The following MPPE1 variants were observed in gnomAD, a reference collection of about 807,000 sequenced individuals.
MPPE1 encodes the protein metallo phosphoesterase.
In MPPE1, 28 loss-of-function variants were observed where a neutral mutation model predicts 43.8. That is an observed-to-expected ratio of 0.64 (90% CI 0.47 to 0.88). The LOEUF (loss-of-function observed/expected upper bound fraction) is 0.88. Ranked by LOEUF, MPPE1 falls within the 40% of genes least tolerant of loss-of-function variation. The pLI is 0.00. For synonymous variants in MPPE1, 159 were observed against 188.5 expected (o/e 0.84, Z 1.28); for missense variants, 428 against 492.2 (o/e 0.87, Z 1.23).
At chr18:11,892,096 T>A (rs1486969893) in intron 4 of MPPE1, among the ~76,000 whole-genome samples, 14 of 152,106 alleles carry the variant, frequency 9.2e-5, no homozygotes. Context: ...TCCCAGCACT[T>A]TGGGAGGCCA....
At chr18:11,906,947 T>C (rs1259673165) in intron 1 of MPPE1, among the ~76,000 whole-genome samples, 8 of 152,090 alleles carry the variant, frequency 5.3e-5, no homozygotes, top group Non-Finnish European at 1.2e-4. Context: ...CCACCGCCCA[T>C]TGTAAATCAA....
intron 3 of MPPE1, among the ~76,000 whole-genome samples, chr18:11,896,554 A>T (rs565703460): frequency 1.3e-5 from 2 of 152,222 alleles, no homozygotes; most frequent in Non-Finnish European, 2.9e-5. Flanking sequence ...GCTGAAACCC[A>T]ATAGGCTCAA....
chr18:11,896,095 CTTTT>C (rs1178920790), intron 3 of MPPE1, among the ~76,000 whole-genome samples: 3,228 of 80,490 alleles, frequency 0.04, 63 homozygotes, highest in Middle Eastern at 0.17. Flanking sequence ...ATTCTTTATT[CTTTT>C]TTTTTTTTTT....
At position 11,886,531 on chromosome 18, in the gene MPPE1, A is replaced by G. The variant is rs1249049646; in HGVS notation, c.835T>C (p.Tyr279His). The G allele has an allele frequency of 6.2e-7, 1 of 1,614,228 alleles. No homozygotes were observed. Among genetic ancestry groups the G allele is most frequent in the South Asian group, 1.1e-5 (1 of 91,088 alleles). ...GATGCCTCCCGTGAAAGCACGTCATAGTTCTCCTTAAATGGGATGTCCCTT... is the reference window on the plus strand; with the variant it reads ...GATGCCTCCCGTGAAAGCACGTCATGGTTCTCCTTAAATGGGATGTCCCTT... ...EERDIPFKEN[Y>H]DVLSREASQK... Residue 279 changes from tyrosine to histidine, a missense_variant, in exon 9 of 11, where the codon TAT (tyrosine) becomes CAT (histidine). Physicochemically the swap from Tyr to His is moderately conservative, Grantham distance 83. Transcript: ENST00000588072. The surrounding 1 kb of genome is among the most constrained non-coding windows in gnomAD (Gnocchi z 4.1).
At chr18:11,888,871 C>T (rs990003548) in intron 5 of MPPE1, 128 bp from the exon 6 acceptor site, 2 of 545,166 alleles carry the variant, frequency 3.7e-6, no homozygotes, top group Admixed American at 3.9e-5. Context: ...AAGGGCTCTA[C>T]CTGGCCCCAG....
intron 10 of MPPE1, chr18:11,885,353 G>C (rs778395846): frequency 6.3e-5 from 20 of 317,344 alleles, no homozygotes; most frequent in Non-Finnish European, 1.1e-4. Context: ...GCTGAGTATA[G>C]CTAATGAATA....
chr18:11,889,981 T>G (rs143297434), intron 4 of MPPE1, among the ~76,000 whole-genome samples: 1 of 151,798 alleles, frequency 6.6e-6, no homozygotes, highest in Non-Finnish European at 1.5e-5. Context: ...CTCGCTCTGT[T>G]GCCCAGGCTG....
At chr18:11,891,223 CAGCACTTTGGG>C (rs1398269394) in intron 4 of MPPE1, 1 of 152,168 alleles carries the variant, frequency 6.6e-6, no homozygotes, top group Non-Finnish European at 1.5e-5. Flanking sequence ...CCTATAATCC[CAGCACTTTGGG>C]AGGCTGAAGC....
At chr18:11,896,901 A>G in intron 3 of MPPE1, 83 bp downstream of exon 3, 1 of 1,239,692 alleles carries the variant, frequency 8.1e-7, no homozygotes, top group Non-Finnish European at 1.1e-6. Flanking sequence ...GAGTAACCTA[A>G]AGCCATAAGC....
At chr18:11,902,172 T>C (rs747754682) in intron 2 of MPPE1, 9 of 151,998 alleles carry the variant, frequency 5.9e-5, no homozygotes, top group Non-Finnish European at 1.2e-4. Context: ...AAACCAGGAC[T>C]GTCCCAGACA....
chr18:11,888,099 T>A (rs910700150), intron 6 of MPPE1, among the ~76,000 whole-genome samples: 1 of 152,208 alleles, frequency 6.6e-6, no homozygotes, highest in Admixed American at 6.5e-5. Flanking sequence ...TGCAGCCACA[T>A]ACACAGCCCA....
At chr18:11,885,955 T>C in intron 9 of MPPE1, 139 bp from the exon 10 acceptor site, 1 of 863,906 alleles carries the variant, frequency 1.2e-6, no homozygotes, top group African/African-American at 1.7e-5. Flanking sequence ...GACTGGTTTA[T>C]TTTTTTCCTT....
chr18:11,892,830 G>A (rs1045382897), intron 4 of MPPE1, among the ~76,000 whole-genome samples: 3 of 152,224 alleles, frequency 2.0e-5, no homozygotes, highest in Non-Finnish European at 4.4e-5. Flanking sequence ...GTCTTCATTC[G>A]TTTTGTTCCA....
chr18:11,892,688 T>C (rs1448744884), intron 4 of MPPE1, among the ~76,000 whole-genome samples: 1 of 149,014 alleles, frequency 6.7e-6, no homozygotes, highest in African/African-American at 2.5e-5. Flanking sequence ...AAAAAAAAAA[T>C]CCTCCTGCCT....
At chr18:11,896,773 G>T (rs894535447) in intron 3 of MPPE1, among the ~76,000 whole-genome samples, 2 of 152,182 alleles carry the variant, frequency 1.3e-5, no homozygotes, top group South Asian at 2.1e-4. Flanking sequence ...GTCACAAAGC[G>T]ATGTGGCCCA....
chr18:11,904,378 G>A (rs938452901), intron 2 of MPPE1, among the ~76,000 whole-genome samples: 2 of 151,526 alleles, frequency 1.3e-5, no homozygotes, highest in Non-Finnish European at 2.9e-5. Flanking sequence ...ACAGTAGTGT[G>A]ATCCCAGCTC....
intron 2 of MPPE1, among the ~76,000 whole-genome samples, chr18:11,904,254 C>G (rs1274238032): frequency 6.6e-6 from 1 of 152,096 alleles, no homozygotes; most frequent in African/African-American, 2.4e-5. Context: ...ACATATTTTC[C>G]TGAGAAGACC....
chr18:11,888,974 C>T (rs562872827), intron 5 of MPPE1, among the ~76,000 whole-genome samples: 21 of 152,134 alleles, frequency 1.4e-4, no homozygotes, highest in African/African-American at 4.8e-4. Context: ...ACATTGGTAC[C>T]GTAGGTAAAA....
intron 2 of MPPE1, chr18:11,905,799 G>A (rs564878074): frequency 6.6e-6 from 1 of 152,308 alleles, no homozygotes; most frequent in Admixed American, 6.5e-5. Flanking sequence ...TTGTTCCTTG[G>A]TGAGTATTTT....
Sources: allele counts gnomAD v4.1 joint callset (sites outside exome capture counted in the v4.1 genomes callset), GRCh38; gene constraint gnomAD v4.1.1; non-coding constraint Gnocchi (gnomAD v3.1); transcripts MANE v1.5; gene names NCBI Gene and HGNC (gene_info 2026-07-23, HGNC 2026-07-21).